Variants in ROR2 observed in about 807,000 individuals in gnomAD.
ROR2 encodes the protein tyrosine-protein kinase transmembrane receptor ROR2.
In ROR2, 33 loss-of-function variants were observed where a neutral mutation model predicts 74.9. The observed-to-expected ratio is 0.44, with a 90% CI of 0.33 to 0.59. The LOEUF (loss-of-function observed/expected upper bound fraction) is 0.59. Among genes scored for constraint, ROR2 ranks in the 20% least tolerant of loss-of-function variants. The pLI is 0.02. For missense variants in ROR2, 1,216 were observed against 1,313.8 expected, an observed-to-expected ratio of 0.93 and a Z score of 1.15; for synonymous variants, 586 against 558.7, an observed-to-expected ratio of 1.05 and a Z score of -0.69.
At chr9:91,861,818 G>T (rs953312382) in intron 1 of ROR2, among the ~76,000 whole-genome samples, 1 of 152,146 alleles carries the variant, frequency 6.6e-6, no homozygotes, top group Non-Finnish European at 1.5e-5. Context: ...CAAAATGGGA[G>T]AAAGTACTTT....
At chr9:91,831,547 G>T (rs1277467725) in intron 1 of ROR2, among the ~76,000 whole-genome samples, 1 of 152,030 alleles carries the variant, frequency 6.6e-6, no homozygotes, top group East Asian at 1.9e-4. Flanking sequence ...AGGCCGAGGT[G>T]GGTGGATCAC....
chr9:91,782,724 C>A (rs914331146), intron 1 of ROR2, among the ~76,000 whole-genome samples: 1 of 152,170 alleles, frequency 6.6e-6, no homozygotes, highest in Admixed American at 6.5e-5. Context: ...GGAGCAGGCT[C>A]CACCTCCATC....
At chr9:91,755,643 CT>C (rs907239053) in intron 4 of ROR2, among the ~76,000 whole-genome samples, 1 of 152,248 alleles carries the variant, frequency 6.6e-6, no homozygotes, top group Non-Finnish European at 1.5e-5. Context: ...GGGGTTGAGA[CT>C]CCCACCCACT....
At chr9:91,779,616 C>T (rs951460602) in intron 1 of ROR2, among the ~76,000 whole-genome samples, 1 of 152,056 alleles carries the variant, frequency 6.6e-6, no homozygotes, top group African/African-American at 2.4e-5. Flanking sequence ...AATGATCCAC[C>T]CACCTCAGCC....
chr9:91,837,488 G>A (rs796649285), intron 1 of ROR2, among the ~76,000 whole-genome samples: 7 of 152,362 alleles, frequency 4.6e-5, no homozygotes, highest in African/African-American at 1.4e-4. Context: ...AAACTTAGCT[G>A]TTTAAGAAGG....
At chr9:91,800,886 C>T (rs1214579515) in intron 1 of ROR2, among the ~76,000 whole-genome samples, 3 of 152,212 alleles carry the variant, frequency 2.0e-5, no homozygotes, top group Non-Finnish European at 4.4e-5. Flanking sequence ...TTTACCAAAA[C>T]AGATGCCAAG....
intron 1 of ROR2, among the ~76,000 whole-genome samples, chr9:91,808,941 T>C (rs913028567): frequency 1.3e-5 from 2 of 151,596 alleles, no homozygotes; most frequent in Admixed American, 6.6e-5. Context: ...AGGCGGAGCT[T>C]GCAGTGAGCT....
intron 2 of ROR2, among the ~76,000 whole-genome samples, chr9:91,772,792 A>G (rs1826278918): frequency 6.6e-6 from 1 of 152,200 alleles, no homozygotes; most frequent in South Asian, 2.1e-4. Context: ...CAACAACAAA[A>G]AAGTCAAGAG....
chr9:91,887,885 G>A (rs1182919608), intron 1 of ROR2, among the ~76,000 whole-genome samples: 4 of 133,484 alleles, frequency 3.0e-5, no homozygotes, highest in South Asian at 2.5e-4. Context: ...TCTGCCTCCC[G>A]GGTTGAAGCA....
intron 1 of ROR2, among the ~76,000 whole-genome samples, chr9:91,811,530 G>A (rs1827750564): frequency 6.6e-6 from 1 of 152,144 alleles, no homozygotes; most frequent in Admixed American, 6.5e-5. Flanking sequence ...TTGCTAGAAG[G>A]GCTGGCCAAT....
chr9:91,754,637 A>G (rs957821045), intron 4 of ROR2, among the ~76,000 whole-genome samples: 1 of 152,190 alleles, frequency 6.6e-6, no homozygotes. Context: ...CCTGGGTGAC[A>G]GGGCGAGACT....
At chr9:91,897,456 G>A (rs1191146794) in intron 1 of ROR2, among the ~76,000 whole-genome samples, 1 of 152,116 alleles carries the variant, frequency 6.6e-6, no homozygotes, top group Non-Finnish European at 1.5e-5. Context: ...CATGGGGTTG[G>A]TGATAATGTC....
intron 1 of ROR2, among the ~76,000 whole-genome samples, chr9:91,787,479 T>A (rs1290334124): frequency 6.6e-6 from 1 of 152,164 alleles, no homozygotes; most frequent in East Asian, 1.9e-4. Flanking sequence ...CACTTCAGCC[T>A]GGGAGACGGA....
At chr9:91,866,123 T>C (rs2119317460) in intron 1 of ROR2, among the ~76,000 whole-genome samples, 1 of 152,224 alleles carries the variant, frequency 6.6e-6, no homozygotes, top group South Asian at 2.1e-4. Context: ...GGTTTTGTTT[T>C]TTTGTTTATT....
intron 1 of ROR2, among the ~76,000 whole-genome samples, chr9:91,947,816 A>G (rs1564057033): frequency 1.3e-5 from 2 of 152,318 alleles, no homozygotes; most frequent in East Asian, 3.9e-4. Context: ...ACACACTCAA[A>G]TAACAGGGAC....
intron 1 of ROR2, among the ~76,000 whole-genome samples, chr9:91,933,784 T>G (rs754587058): frequency 2.0e-5 from 3 of 152,068 alleles, no homozygotes; most frequent in Non-Finnish European, 2.9e-5. Flanking sequence ...ATTTCCAGAA[T>G]AGGCAAATCC....
chr9:91,839,736 G>C (rs1307369964), intron 1 of ROR2, among the ~76,000 whole-genome samples: 2 of 151,384 alleles, frequency 1.3e-5, no homozygotes, highest in Non-Finnish European at 3.0e-5. Context: ...GGTGTGTGTG[G>C]TATGTGAGTG....
intron 2 of ROR2, among the ~76,000 whole-genome samples, chr9:91,771,812 CT>C (rs1360887682): frequency 1.3e-5 from 2 of 152,130 alleles, no homozygotes; most frequent in Non-Finnish European, 2.9e-5. Context: ...CATTTTCCAG[CT>C]AATTCTTAGA....
intron 1 of ROR2, among the ~76,000 whole-genome samples, chr9:91,890,438 G>GT (rs1830396524): frequency 6.6e-6 from 1 of 152,180 alleles, no homozygotes; most frequent in Non-Finnish European, 1.5e-5. Context: ...ACAAACATAA[G>GT]TAAGTGTTAT....
Sources: gnomAD v4.1 joint callset for allele counts (sites outside exome capture counted in the v4.1 genomes callset) on GRCh38, gnomAD v4.1.1 for gene constraint, MANE v1.5 for transcripts, NCBI Gene and HGNC (gene_info 2026-07-23, HGNC 2026-07-21) for gene names.